PDLIM3: variants seen among roughly 807,000 people sequenced by gnomAD.
PDLIM3 encodes PDZ and LIM domain protein 3.
PDLIM3 carries 36 observed loss-of-function variants against 37.3 expected under a neutral mutation model. That is an observed-to-expected ratio of 0.97 (90% CI 0.74 to 1.28). The LOEUF is 1.28. Among genes scored for constraint, PDLIM3 ranks in the 50% most tolerant of loss-of-function variants. The pLI is 0.00. For synonymous variants in PDLIM3, 174 were observed against 182.4 expected (o/e 0.95, Z 0.37); for missense variants, 454 against 485.0 (o/e 0.94, Z 0.60).
chr4:185,512,545 G>T (rs895714268), intron 4 of PDLIM3: 1 of 439,700 alleles, frequency 2.3e-6, no homozygotes, highest in Non-Finnish European at 3.0e-6. Context: ...AAGTTAAAAT[G>T]AAAAATTTTT....
At chr4:185,528,520 C>T (rs746215389) in intron 1 of PDLIM3, among the ~76,000 whole-genome samples, 54 of 152,194 alleles carry the variant, frequency 3.5e-4, no homozygotes, top group Non-Finnish European at 6.6e-4. Flanking sequence ...CACGTTTGAC[C>T]ATTACAACTC....
Position 185,504,733 on chromosome 4 carries a change from C to T in PDLIM3, c.794-147G>A, listed in dbSNP as rs62345659. 0.019 allele frequency: 13,123 copies of T among 686,168 alleles called. 199 individuals carry two copies. The highest frequency in any genetic ancestry group is 0.025 in the Non-Finnish European group (9,380 of 378,080). The allele number at this position is 686,168 out of a possible 1,614,324, so 42.5% of individuals were successfully genotyped here. On this transcript the variant is annotated intron_variant, in intron 6 of 7. Coordinates refer to ENST00000284767, the MANE Select transcript of PDLIM3 (RefSeq NM_014476.6). This position sits in a 1 kb window ranked among gnomAD's most constrained non-coding sequence, Gnocchi z 4.7. Reference sequence around the variant, plus strand: ...GCAGGACTGATGCAATCATAAGGGACGCTGTTCTGAAATAGGGCATTATAG... The same window carrying T: ...GCAGGACTGATGCAATCATAAGGGATGCTGTTCTGAAATAGGGCATTATAG...
intron 3 of PDLIM3, among the ~76,000 whole-genome samples, chr4:185,520,129 G>A (rs2095721176): frequency 6.6e-6 from 1 of 152,150 alleles, no homozygotes; most frequent in African/African-American, 2.4e-5. Context: ...GTTTTGTTCT[G>A]GTTTACGCTA....
chr4:185,527,323 T>C (rs1339065805), intron 1 of PDLIM3, among the ~76,000 whole-genome samples: 1 of 152,252 alleles, frequency 6.6e-6, no homozygotes, highest in African/African-American at 2.4e-5. Context: ...GCTTTTTCTT[T>C]ATTTGCTTAT....
intron 3 of PDLIM3, chr4:185,515,866 A>C (rs1214451951): frequency 6.6e-6 from 1 of 152,118 alleles, no homozygotes; most frequent in Non-Finnish European, 1.5e-5. Context: ...GCTCAATTAC[A>C]GGTCAGCTGA....
Position 185,502,449 on chromosome 4 carries a change from GCCGGTA to G in PDLIM3, c.934_939del (p.Tyr312_Arg313del). ...TCGGCACACACGAAGCACTCAGGGT[GCCGGTA>G]CTTATCCCGCGCCTTCACCACAGCA... is the stretch of plus-strand genomic sequence containing the variant. On this transcript the variant is annotated inframe_deletion, in exon 8 of 8. Coordinates refer to ENST00000284767, the MANE Select transcript of PDLIM3 (RefSeq NM_014476.6). 1 of 1,614,192 alleles carries G rather than the reference GCCGGTA, an allele frequency of 6.2e-7. No homozygotes were observed. The highest frequency in any genetic ancestry group is 2.2e-5 in the East Asian group (1 of 44,866).
At chr4:185,533,999 T>C (rs1361287903) in intron 1 of PDLIM3, among the ~76,000 whole-genome samples, 1 of 152,214 alleles carries the variant, frequency 6.6e-6, no homozygotes, top group Admixed American at 6.5e-5. Context: ...GGTAAATCTA[T>C]AATAGGAATT....
At position 185,502,397 on chromosome 4, in the gene PDLIM3, C is replaced by T; in HGVS notation, c.992G>A (p.Gly331Asp). 1 of 1,614,210 alleles carries T rather than the reference C, an allele frequency of 6.2e-7. No individual in the cohort carries two copies. The highest frequency in any genetic ancestry group is 8.5e-7 in the Non-Finnish European group (1 of 1,180,042). ...CAGCTCCCCTTCTATGAAGAAGTAG[C>T]CCTTTTGCTTGAGGTTGAGGTTGCA... ...ADCNLNLKQKGYFFIEGELYC... is the reference protein window; with the variant it reads ...ADCNLNLKQKDYFFIEGELYC... The change falls in exon 8 of 8, where the codon GGC becomes GAC. Residue 331 changes from glycine to aspartate, a missense_variant. Transcript: ENST00000284767.
chr4:185,505,406 G>A (rs1056676164), intron 6 of PDLIM3, among the ~76,000 whole-genome samples: 2 of 152,120 alleles, frequency 1.3e-5, no homozygotes, highest in African/African-American at 2.4e-5. Context: ...GGTGGACCAC[G>A]AGGTCAGGAG....
At chr4:185,530,423 TCA>T (rs2095741920) in intron 1 of PDLIM3, among the ~76,000 whole-genome samples, 1 of 152,210 alleles carries the variant, frequency 6.6e-6, no homozygotes, top group African/African-American at 2.4e-5. Context: ...GTACTCAAGC[TCA>T]TATAGCATTC....
At chr4:185,532,033 G>A (rs1281851270) in intron 1 of PDLIM3, among the ~76,000 whole-genome samples, 1 of 152,066 alleles carries the variant, frequency 6.6e-6, no homozygotes, top group Non-Finnish European at 1.5e-5. Context: ...AGGAGGCAGA[G>A]GTTGCAGTGA....
At chr4:185,510,511 G>T (rs1423524651) in intron 4 of PDLIM3, among the ~76,000 whole-genome samples, 1 of 152,134 alleles carries the variant, frequency 6.6e-6, no homozygotes, top group Non-Finnish European at 1.5e-5. Flanking sequence ...CAGTCTATTA[G>T]CACACAAATA....
chr4:185,506,037 G>A (rs532194691), intron 6 of PDLIM3, among the ~76,000 whole-genome samples: 17 of 152,290 alleles, frequency 1.1e-4, no homozygotes, highest in Non-Finnish European at 2.2e-4. Context: ...ATCTCTCAGC[G>A]TCTCATTTGC....
chr4:185,520,005 CT>C (rs2095720938), intron 3 of PDLIM3, among the ~76,000 whole-genome samples: 2 of 152,272 alleles, frequency 1.3e-5, no homozygotes, highest in South Asian at 4.1e-4. Flanking sequence ...AAAAAGACAT[CT>C]TTTTTGCACA....
At chr4:185,523,905 A>T (rs2095727907) in intron 2 of PDLIM3, among the ~76,000 whole-genome samples, 1 of 151,684 alleles carries the variant, frequency 6.6e-6, no homozygotes, top group African/African-American at 2.4e-5. Flanking sequence ...GGCGGGAGCC[A>T]CCACACCCGG....
rs1394766041 is a variant in PDLIM3, at chr4:185,535,411, C to T, written c.24G>A (p.Pro8=). The T allele has an allele frequency of 1.9e-6, 3 of 1,603,968 alleles. No individual in the cohort carries two copies. Among genetic ancestry groups the T allele is most frequent in the South Asian group, 1.1e-5 (1 of 89,200 alleles). MPQTVIL[P]GPAPWGFRLS... ...GCCTGAAGCCCCAGGGCGCAGGGCC[C>T]GGGAGGATCACCGTCTGGGGCATGC... Residue 8 remains proline, a synonymous_variant, in exon 1 of 8, where the codon CCG becomes CCA. Coordinates refer to ENST00000284767, the MANE Select transcript of PDLIM3 (RefSeq NM_014476.6).
rs2095711706 is a variant in PDLIM3, at chr4:185,514,519, G to C, written c.331-182C>G. The C allele has an allele frequency of 7.4e-7, 1 of 1,353,424 alleles. No individual in the cohort carries two copies. 83.8% of individuals were successfully genotyped at this position (1,353,424 alleles called of 1,614,324 possible). On this transcript the variant is annotated intron_variant, in intron 3 of 7. Transcript: ENST00000284767. This position sits in a 1 kb window ranked among gnomAD's most constrained non-coding sequence, Gnocchi z 4.0. ...CAACCATCTATCCGCTAAACGGTCA[G>C]GCACTGGCGGATTGGACCCCACAAC... is the stretch of plus-strand genomic sequence containing the variant.
Position 185,535,504 on chromosome 4 carries a change from T to A in PDLIM3, c.-70A>T. On this transcript the variant is annotated 5_prime_UTR_variant, in exon 1 of 8. Transcript: ENST00000284767. ...GGCAGCCACTCCGCGCCGGGCGGCG[T>A]CCTGGCCCCGACCCGGGCGGGGGCG... is the stretch of plus-strand genomic sequence containing the variant. The A allele has an allele frequency of 7.3e-7, 1 of 1,370,534 alleles. No homozygotes were observed. Among genetic ancestry groups the A allele is most frequent in the Non-Finnish European group, 1.0e-6 (1 of 1,001,270 alleles). The allele number at this position is 1,370,534 out of a possible 1,614,324, so 84.9% of individuals were successfully genotyped here.
chr4:185,509,918 ATTT>A lies in PDLIM3; in HGVS notation c.399-1359_399-1357del, dbSNP rs57491267. On this transcript the variant is annotated intron_variant, in intron 4 of 7. Coordinates refer to ENST00000284767, the MANE Select transcript of PDLIM3 (RefSeq NM_014476.6). ...AACTCATGTCACTAAATGGGTTTAA[ATTT>A]TTTTTTTTTTGTCTTGTGCTATCCA... is the stretch of plus-strand genomic sequence containing the variant. 4.0e-5 allele frequency among the ~76,000 whole-genome samples: 6 copies of A among 150,330 alleles called. No homozygotes were observed. In the East Asian group the frequency reaches 5.9e-4, roughly 15 times the overall value.
Sources: allele counts gnomAD v4.1 joint callset (sites outside exome capture counted in the v4.1 genomes callset), GRCh38; gene constraint gnomAD v4.1.1; non-coding constraint Gnocchi (gnomAD v3.1); transcripts MANE v1.5; gene names NCBI Gene and HGNC (gene_info 2026-07-23, HGNC 2026-07-21).